TCF20: variants seen among roughly 807,000 people sequenced by gnomAD.
The protein encoded by TCF20 is SPRE-binding protein.
A neutral mutation model predicts 148.6 loss-of-function variants in TCF20; 3 were observed. The ratio of observed to expected loss-of-function variants is 0.02; its 90% CI spans 0.01 to 0.05. The LOEUF is 0.05. Among genes scored for constraint, TCF20 ranks in the 10% least tolerant of loss-of-function variants. The pLI, the probability that TCF20 is intolerant of heterozygous loss-of-function variation, is 1.00. For missense variants in TCF20, 2,350 were observed against 2,429.3 expected (o/e 0.97, Z 0.69); for synonymous variants, 1,049 against 909.5 (o/e 1.15, Z -2.76).
intron 1 of TCF20, among the ~76,000 whole-genome samples, chr22:42,263,660 C>T (rs189513487): frequency 2.0e-5 from 3 of 152,244 alleles, no homozygotes; most frequent in African/African-American, 7.2e-5. Context: ...ACCAATGGGG[C>T]CTAAGAAGAC....
intron 1 of TCF20, among the ~76,000 whole-genome samples, chr22:42,234,822 G>C (rs1261236359): frequency 6.6e-6 from 1 of 152,062 alleles, no homozygotes; most frequent in Non-Finnish European, 1.5e-5. Flanking sequence ...AGGGTCAGAA[G>C]AACAAAAAGA....
intron 2 of TCF20, among the ~76,000 whole-genome samples, chr22:42,196,103 G>A (rs544521584): frequency 4.4e-4 from 67 of 152,356 alleles, no homozygotes; most frequent in Non-Finnish European, 8.4e-4. Flanking sequence ...TTGGGTCTGT[G>A]TAACCTGCAA....
chr22:42,211,567 A>C lies in TCF20; in HGVS notation c.3739T>G (p.Ser1247Ala). 6.2e-7 allele frequency: 1 copy of C among 1,614,222 alleles called. No homozygotes were observed. Among genetic ancestry groups the C allele is most frequent in the Non-Finnish European group, 8.5e-7 (1 of 1,180,042 alleles). Residue 1247 changes from serine (S) to alanine (A), a missense_variant, in exon 2 of 6, where the codon TCT (serine) becomes GCT (alanine). Around this residue, in one of 7 missense-constraint regions of TCF20, gnomAD observed 1,641 missense variants for 1,662.6 expected, o/e 0.99. Transcript: ENST00000677622. ...CTCCTCATGATTAAGGGGTTTTGAGAAGAATGATCCTCCTGGCCTGGAAGT... is the reference window on the plus strand; with the variant it reads ...CTCCTCATGATTAAGGGGTTTTGAGCAGAATGATCCTCCTGGCCTGGAAGT... ...LRLPGQEDHS[S>A]QNPLIMRRRV...
intron 1 of TCF20, among the ~76,000 whole-genome samples, chr22:42,227,120 T>C (rs905464079): frequency 6.6e-6 from 1 of 152,056 alleles, no homozygotes; most frequent in African/African-American, 2.4e-5. Context: ...CCGTCTCTAC[T>C]AAAAATACAA....
chr22:42,313,120 G>A (rs1756831835), intron 1 of TCF20, among the ~76,000 whole-genome samples: 1 of 152,204 alleles, frequency 6.6e-6, no homozygotes, highest in South Asian at 2.1e-4. Flanking sequence ...ACCTGGGAGT[G>A]CAGGTGCTAA....
intron 1 of TCF20, among the ~76,000 whole-genome samples, chr22:42,323,937 G>GGTGGTA (rs1927797615): frequency 2.7e-5 from 3 of 111,726 alleles, no homozygotes; most frequent in Non-Finnish European, 6.1e-5. Flanking sequence ...TGGTGGTGGT[G>GGTGGTA]GTGGTGATGG....
chr22:42,219,389 G>C (rs1363956494), intron 1 of TCF20, among the ~76,000 whole-genome samples: 1 of 70,460 alleles, frequency 1.4e-5, no homozygotes, highest in Admixed American at 1.5e-4. Flanking sequence ...AAAGCTAATA[G>C]AGATAATTCC....
At chr22:42,172,882 A>G (rs1456300879) in intron 3 of TCF20, among the ~76,000 whole-genome samples, 1 of 152,200 alleles carries the variant, frequency 6.6e-6, no homozygotes, top group Non-Finnish European at 1.5e-5. Context: ...GCCGAAGGGT[A>G]GGCTCAGGCT....
intron 1 of TCF20, among the ~76,000 whole-genome samples, chr22:42,294,228 AAT>A (rs1927186062): frequency 6.6e-6 from 1 of 152,132 alleles, no homozygotes; most frequent in Non-Finnish European, 1.5e-5. Context: ...GCGGTGCATT[AAT>A]AGAGCACAAA....
chr22:42,181,697 T>C (rs1029401239), intron 2 of TCF20, among the ~76,000 whole-genome samples: 12 of 149,822 alleles, frequency 8.0e-5, no homozygotes, highest in Non-Finnish European at 1.8e-4. Flanking sequence ...AGTCTCTACC[T>C]CCCAGGCTCA....
At chr22:42,172,762 C>G (rs1474541673) in intron 3 of TCF20, among the ~76,000 whole-genome samples, 1 of 152,206 alleles carries the variant, frequency 6.6e-6, no homozygotes, top group South Asian at 2.1e-4. Context: ...TGTTGTGTAG[C>G]AGACACAGAC....
At chr22:42,249,894 T>G (rs910677440) in intron 1 of TCF20, among the ~76,000 whole-genome samples, 9 of 152,198 alleles carry the variant, frequency 5.9e-5, no homozygotes, top group Non-Finnish European at 8.8e-5. Flanking sequence ...ATTTTTTTTT[T>G]GCAAACTGAA....
At chr22:42,221,175 T>G (rs182462863) in intron 1 of TCF20, among the ~76,000 whole-genome samples, 1 of 152,128 alleles carries the variant, frequency 6.6e-6, no homozygotes, top group South Asian at 2.1e-4. Context: ...TAGAGGTTGA[T>G]GATATTCCCT....
chr22:42,188,064 C>A (rs908904886), intron 2 of TCF20, among the ~76,000 whole-genome samples: 1 of 151,926 alleles, frequency 6.6e-6, no homozygotes, highest in Non-Finnish European at 1.5e-5. Flanking sequence ...GAGGCCGAGG[C>A]AGGCGGATCA....
chr22:42,173,754 A>G (rs941568233), intron 3 of TCF20, among the ~76,000 whole-genome samples: 2 of 152,180 alleles, frequency 1.3e-5, no homozygotes, highest in Non-Finnish European at 2.9e-5. Context: ...AAAGACCGCA[A>G]TGACCAAGAC....
At chr22:42,183,961 G>T (rs1936917901) in intron 2 of TCF20, among the ~76,000 whole-genome samples, 1 of 151,796 alleles carries the variant, frequency 6.6e-6, no homozygotes, top group African/African-American at 2.4e-5. Context: ...TAGAGATGAG[G>T]TTTCACCATG....
intron 1 of TCF20, among the ~76,000 whole-genome samples, chr22:42,308,588 G>T (rs1323411284): frequency 6.6e-6 from 1 of 152,156 alleles, no homozygotes; most frequent in Non-Finnish European, 1.5e-5. Flanking sequence ...AACGTCCCCA[G>T]GGTCTTAGAA....
At chr22:42,241,518 G>C (rs535000982) in intron 1 of TCF20, among the ~76,000 whole-genome samples, 1 of 152,326 alleles carries the variant, frequency 6.6e-6, no homozygotes, top group East Asian at 1.9e-4. Flanking sequence ...ACTATCCATT[G>C]AGTTATTAAA....
At chr22:42,238,687 C>G (rs1924098643) in intron 1 of TCF20, among the ~76,000 whole-genome samples, 1 of 152,166 alleles carries the variant, frequency 6.6e-6, no homozygotes, top group African/African-American at 2.4e-5. Context: ...TCTGAGGTAA[C>G]AGAGAGACCT....
Sources: allele counts gnomAD v4.1 joint callset (sites outside exome capture counted in the v4.1 genomes callset), GRCh38; gene constraint gnomAD v4.1.1; regional missense constraint gnomAD v4.1.1; transcripts MANE v1.5; gene names NCBI Gene and HGNC (gene_info 2026-07-23, HGNC 2026-07-21).